Variants in SCYL3 observed in about 807,000 individuals in gnomAD.
The protein encoded by SCYL3 is SCY1 like pseudokinase 3.
In SCYL3, 35 loss-of-function variants were observed where a neutral mutation model predicts 73.8. That is an observed-to-expected ratio of 0.47 (90% CI 0.36 to 0.63). The LOEUF is 0.63. SCYL3 is among the 20% of genes least tolerant of loss of function. SCYL3 has a pLI of 0.00. For synonymous variants in SCYL3, 277 were observed against 295.2 expected, an observed-to-expected ratio of 0.94 and a Z score of 0.63; for missense variants, 712 against 798.9, an observed-to-expected ratio of 0.89 and a Z score of 1.31.
chr1:169,891,333 G>A (rs1662072686), intron 1 of SCYL3, among the ~76,000 whole-genome samples: 1 of 152,168 alleles, frequency 6.6e-6, no homozygotes, highest in Non-Finnish European at 1.5e-5. Flanking sequence ...AAGACTACCG[G>A]AAGCCCAGCC....
At chr1:169,876,361 T>C (rs562897426) in intron 3 of SCYL3, among the ~76,000 whole-genome samples, 175 of 152,192 alleles carry the variant, frequency 1.1e-3, no homozygotes, top group Non-Finnish European at 2.0e-3. Context: ...GGCAGGTTAA[T>C]AAACACATTA....
rs188968440 is a variant in SCYL3, at chr1:169,854,258, A to G, written c.2007+12T>C. The G allele has an allele frequency of 6.5e-5, 103 of 1,578,696 alleles. 2 individuals carry two copies. The African/African-American group carries it at 9.0e-4, about 14-fold the overall frequency. ...AAGCTAGTAGCACAGTTTACTCCATAAAAGTACTCACCTCAGTAATTTCTG... is the reference window on the plus strand; with the variant it reads ...AAGCTAGTAGCACAGTTTACTCCATGAAAGTACTCACCTCAGTAATTTCTG... On this transcript the variant is annotated intron_variant, in intron 12 of 12. Coordinates refer to ENST00000367771, the MANE Select transcript of SCYL3 (RefSeq NM_020423.7).
chr1:169,870,343 T>C lies in SCYL3; in HGVS notation c.537A>G (p.Thr179=). 1 of 1,611,538 alleles carries C rather than the reference T, an allele frequency of 6.2e-7. No homozygotes were observed. Among genetic ancestry groups the C allele is most frequent in the African/African-American group, 1.3e-5 (1 of 74,894 alleles). The change falls in exon 6 of 13, where the codon ACA becomes ACG. Residue 179 remains threonine, a synonymous_variant. Coordinates refer to ENST00000367771, the MANE Select transcript of SCYL3 (RefSeq NM_020423.7). Reference sequence around the variant, plus strand: ...CATGTCCATGACACTCTGGGAGAGTTGTGAATTCTGGAGACTAAAAGCAGT... The same window carrying C: ...CATGTCCATGACACTCTGGGAGAGTCGTGAATTCTGGAGACTAAAAGCAGT... ...IPPEEMSPEF[T]TLPECHGHAR... is the part of the protein sequence containing the mutation.
At chr1:169,863,651 C>A (rs1485257133) in intron 9 of SCYL3, among the ~76,000 whole-genome samples, 1 of 152,100 alleles carries the variant, frequency 6.6e-6, no homozygotes, top group African/African-American at 2.4e-5. Flanking sequence ...TTTCAAAAAG[C>A]AACATAGGTG....
Position 169,859,040 on chromosome 1 carries a change from C to A in SCYL3, c.1312+1G>T. The stretch of plus-strand genomic sequence containing the variant: ...AAGTTAGACCTTTTAATAATTCTTA[C>A]CTTCTAGAGAAAGGTCAGTATTTTT... On this transcript the variant is annotated splice_donor_variant, in intron 11 of 12. Coordinates refer to ENST00000367771, the MANE Select transcript of SCYL3 (RefSeq NM_020423.7). LOFTEE classifies it high-confidence loss of function. 1 of 1,611,504 alleles carries A rather than the reference C, an allele frequency of 6.2e-7. No homozygotes were observed. The highest frequency in any genetic ancestry group is 1.1e-5 in the South Asian group (1 of 90,496).
At chr1:169,860,068 T>TTA (rs1240527158) in intron 10 of SCYL3, 3 of 152,116 alleles carry the variant, frequency 2.0e-5, no homozygotes, top group African/African-American at 7.2e-5. Flanking sequence ...AATTTTTTTT[T>TTA]ATGAGGACAG....
intron 1 of SCYL3, among the ~76,000 whole-genome samples, chr1:169,892,887 CT>C (rs1156999490): frequency 2.6e-5 from 4 of 152,186 alleles, no homozygotes; most frequent in Non-Finnish European, 5.9e-5. Context: ...TCCTAGCTCC[CT>C]TAGCTTGAAA....
At chr1:169,868,679 T>C (rs564268642) in intron 7 of SCYL3, among the ~76,000 whole-genome samples, 1 of 152,290 alleles carries the variant, frequency 6.6e-6, no homozygotes, top group Admixed American at 6.5e-5. Context: ...CTGGCTACAG[T>C]TTCTAAATCC....
chr1:169,873,604 TA>T lies in SCYL3; in HGVS notation c.522+91del, dbSNP rs1315080548. On this transcript the variant is annotated intron_variant, in intron 5 of 12. Coordinates refer to ENST00000367771, the MANE Select transcript of SCYL3 (RefSeq NM_020423.7). ...GAATTATGAGGCATCTATAACTCAG[TA>T]AAGAAAGGAGTAAGCAGAGGAAAGT... 1.4e-4 allele frequency: 105 copies of T among 772,788 alleles called. 3 individuals carry two copies. The South Asian group carries it at 1.8e-3, about 13-fold the overall frequency. 47.9% of individuals were successfully genotyped at this position (772,788 alleles called of 1,614,324 possible).
chr1:169,892,722 G>A (rs1662169766), intron 1 of SCYL3, among the ~76,000 whole-genome samples: 1 of 152,122 alleles, frequency 6.6e-6, no homozygotes, highest in South Asian at 2.1e-4. Context: ...GCCTACTTGG[G>A]CAGCACATAA....
Position 169,850,375 on chromosome 1 carries a change from T to C in SCYL3, c.*3338A>G. On this transcript the variant is annotated 3_prime_UTR_variant, in exon 13 of 13. Transcript: ENST00000367771. ...TTTCTTTACATGGCTCATGTTTTAT[T>C]CTTTGTCCTATTTTTTTTTTTCCGA... 1 of 1,475,204 alleles carries C rather than the reference T, an allele frequency of 6.8e-7. No individual in the cohort carries two copies. The allele number at this position is 1,475,204 out of a possible 1,614,324, so 91.4% of individuals were successfully genotyped here.
rs10919257 is a variant in SCYL3 at position 169,850,689 on chromosome 1, G to A, written c.*3024C>T. On this transcript the variant is annotated 3_prime_UTR_variant, in exon 13 of 13. Coordinates refer to ENST00000367771, the MANE Select transcript of SCYL3 (RefSeq NM_020423.7). Reference sequence around the variant, plus strand: ...TACGCGCCTGCAGTCCCAGCTACTCGGGAGGCTGAGGCAGGAGAATTGCTT... The same window carrying A: ...TACGCGCCTGCAGTCCCAGCTACTCAGGAGGCTGAGGCAGGAGAATTGCTT... The A allele has an allele frequency of 0.64, 112,000 of 175,992 alleles. 36,157 individuals are homozygous for A. The highest frequency in any genetic ancestry group is 0.75 in the Middle Eastern group (272 of 362). 10.9% of individuals were successfully genotyped at this position (175,992 alleles called of 1,614,324 possible).
chr1:169,868,670 T>A (rs573795510), intron 7 of SCYL3, among the ~76,000 whole-genome samples: 1 of 152,346 alleles, frequency 6.6e-6, no homozygotes, highest in Admixed American at 6.5e-5. Flanking sequence ...CTAATAAATC[T>A]GGCTACAGTT....
rs1658365503 is a variant in SCYL3 at position 169,851,706 on chromosome 1, A to G, written c.*2007T>C. The G allele has an allele frequency of 1.5e-6, 2 of 1,326,722 alleles. No individual in the cohort carries two copies. Among genetic ancestry groups the G allele is most frequent in the Non-Finnish European group, 2.1e-6 (2 of 958,510 alleles). The allele number at this position is 1,326,722 out of a possible 1,614,324, so 82.2% of individuals were successfully genotyped here. Reference sequence around the variant, plus strand: ...TTATAGATCAGTCCATGTGACTTCCAGAATTTGCCTAGTATGGTTGAACAC... The same window carrying G: ...TTATAGATCAGTCCATGTGACTTCCGGAATTTGCCTAGTATGGTTGAACAC... On this transcript the variant is annotated 3_prime_UTR_variant, in exon 13 of 13. Coordinates refer to ENST00000367771, the MANE Select transcript of SCYL3 (RefSeq NM_020423.7).
chr1:169,880,330 A>T (rs78506195), intron 2 of SCYL3, among the ~76,000 whole-genome samples: 10,018 of 152,242 alleles, frequency 0.066, 429 homozygotes, highest in Non-Finnish European at 0.1. Context: ...AAAACAAGAT[A>T]AATTTTTTAA....
At chr1:169,893,006 G>A (rs922367677) in intron 1 of SCYL3, among the ~76,000 whole-genome samples, 3 of 152,114 alleles carry the variant, frequency 2.0e-5, no homozygotes, top group Non-Finnish European at 2.9e-5. Flanking sequence ...CGTGTTTCAG[G>A]TATATATTCC....
In SCYL3 at chr1:169,893,787, C is replaced by G. The variant is rs972152074; in HGVS notation, c.-51+1G>C. On this transcript the variant is annotated splice_donor_variant, in intron 1 of 12. Coordinates refer to ENST00000367771, the MANE Select transcript of SCYL3 (RefSeq NM_020423.7). LOFTEE classifies it low-confidence loss of function (5UTR_SPLICE). ...GGGCGCAGCGCAGGGCTCCCTGTTA[C>G]CTGCAGGAAGGCGGCGGGGGAGGAG... 6.5e-6 allele frequency: 1 copy of G among 152,694 alleles called. No homozygotes were observed. Among genetic ancestry groups the G allele is most frequent in the African/African-American group, 2.4e-5 (1 of 41,470 alleles). 9.5% of individuals were successfully genotyped at this position (152,694 alleles called of 1,614,324 possible).
intron 1 of SCYL3, among the ~76,000 whole-genome samples, chr1:169,890,709 A>T (rs1662024522): frequency 1.3e-5 from 2 of 152,278 alleles, no homozygotes; most frequent in African/African-American, 4.8e-5. Flanking sequence ...ATAAGAACTA[A>T]ATCTGCTTTG....
rs542999563 is a variant in SCYL3 at position 169,852,838 on chromosome 1, A to C, written c.*875T>G. On this transcript the variant is annotated 3_prime_UTR_variant, in exon 13 of 13. Coordinates refer to ENST00000367771, the MANE Select transcript of SCYL3 (RefSeq NM_020423.7). ...GGAGTTCCCCTGGGAAGAAGAGTAC[A>C]GGTCAGCGCTGCATACAATAGCAGG... 2 of 1,614,150 alleles carry C rather than the reference A, an allele frequency of 1.2e-6. No individual in the cohort carries two copies. Among genetic ancestry groups the C allele is most frequent in the Middle Eastern group, 1.6e-4 (1 of 6,062 alleles).
Sources: gnomAD v4.1 joint callset for allele counts (sites outside exome capture counted in the v4.1 genomes callset) on GRCh38, gnomAD v4.1.1 for gene constraint, MANE v1.5 for transcripts, NCBI Gene and HGNC (gene_info 2026-07-23, HGNC 2026-07-21) for gene names.